Variants in DOCK4 observed in about 807,000 individuals in gnomAD.
The protein encoded by DOCK4 is dedicator of cytokinesis 4.
In DOCK4, 97 loss-of-function variants were observed where a neutral mutation model predicts 268.1. That is an observed-to-expected ratio of 0.36 (90% CI 0.31 to 0.43). DOCK4 has a LOEUF of 0.43. DOCK4 is among the 20% of genes least tolerant of loss of function. The pLI, the probability that DOCK4 is intolerant of heterozygous loss-of-function variation, is 1.00. For missense variants in DOCK4, 2,145 were observed against 2,455.7 expected, an observed-to-expected ratio of 0.87 and a Z score of 2.67; for synonymous variants, 954 against 887.2, an observed-to-expected ratio of 1.08 and a Z score of -1.34.
chr7:111,979,267 T>C (rs1451042714), intron 7 of DOCK4, among the ~76,000 whole-genome samples: 2 of 152,354 alleles, frequency 1.3e-5, no homozygotes, highest in East Asian at 3.9e-4. Context: ...TAAATTCATC[T>C]ACAATCACTG....
In DOCK4 at chr7:111,728,538, T is replaced by G. The variant is rs1554573117; in HGVS notation, c.5664A>C (p.Pro1888=). ...VNEQSAPLPV[P]VPVPVPSYGG... ...CGTAGCTCGGCACGGGCACCGGCAC[T>G]GGCACCGGCAGGGGGGCCGACTGTT... The change falls in exon 53 of 53, where the codon CCA becomes CCC. Residue 1888 remains proline (P), a synonymous_variant. Transcript: ENST00000428084. The G allele has an allele frequency of 6.2e-7, 1 of 1,613,614 alleles. No individual in the cohort carries two copies. The highest frequency in any genetic ancestry group is 8.5e-7 in the Non-Finnish European group (1 of 1,179,784).
intron 1 of DOCK4, among the ~76,000 whole-genome samples, chr7:112,114,263 C>T (rs1158642312): frequency 6.6e-6 from 1 of 152,080 alleles, no homozygotes; most frequent in East Asian, 1.9e-4. Context: ...TAATACAGAT[C>T]ATCCAAATGT....
At chr7:111,832,933 A>G (rs1802954278) in intron 26 of DOCK4, among the ~76,000 whole-genome samples, 1 of 152,226 alleles carries the variant, frequency 6.6e-6, no homozygotes, top group South Asian at 2.1e-4. Context: ...CATTTGTTTT[A>G]TTACTGCTAA....
At chr7:111,844,634 A>G in intron 25 of DOCK4, 129 bp downstream of exon 25, 2 of 1,226,682 alleles carry the variant, frequency 1.6e-6, no homozygotes, top group Admixed American at 5.5e-5. Flanking sequence ...GTAACCTCAT[A>G]TGATTTTGAA....
chr7:112,156,200 G>A (rs1816598528), intron 1 of DOCK4, among the ~76,000 whole-genome samples: 1 of 152,072 alleles, frequency 6.6e-6, no homozygotes, highest in Non-Finnish European at 1.5e-5. Flanking sequence ...AAACTCTCAG[G>A]ATGGCCTCCC....
chr7:112,121,760 T>A (rs1249689496), intron 1 of DOCK4, among the ~76,000 whole-genome samples: 1 of 152,218 alleles, frequency 6.6e-6, no homozygotes, highest in East Asian at 1.9e-4. Context: ...AATCCCTTTC[T>A]GGTTTCCTTT....
chr7:111,790,403 T>G lies in DOCK4; in HGVS notation c.3315+54A>C, dbSNP rs1161977873. On this transcript the variant is annotated intron_variant, in intron 31 of 52. Coordinates refer to ENST00000428084, the MANE Select transcript of DOCK4 (RefSeq NM_001363540.2). ...GGAGTTGAATCCAGAAGTTCACAGA[T>G]GCTTCAGGAGAGCTGAAACTCTTCC... The G allele has an allele frequency of 1.9e-6, 3 of 1,584,106 alleles. No homozygotes were observed. In the African/African-American group the frequency reaches 4.1e-5, roughly 21 times the overall value.
chr7:111,762,385 C>T (rs1047067912), intron 39 of DOCK4, among the ~76,000 whole-genome samples: 1 of 152,188 alleles, frequency 6.6e-6, no homozygotes, highest in Non-Finnish European at 1.5e-5. Context: ...TTTTTCTCTT[C>T]CTCCAGCCAG....
At chr7:112,132,448 C>A (rs950880054) in intron 1 of DOCK4, among the ~76,000 whole-genome samples, 1 of 152,106 alleles carries the variant, frequency 6.6e-6, no homozygotes, top group African/African-American at 2.4e-5. Context: ...GCAGCTCACA[C>A]AAAGGATGCA....
At position 112,114,712 on chromosome 7, in the gene DOCK4, A is replaced by C. The variant is rs1811967201; in HGVS notation, c.37+91390T>G. On this transcript the variant is annotated intron_variant, in intron 1 of 52. Coordinates refer to ENST00000428084, the MANE Select transcript of DOCK4 (RefSeq NM_001363540.2). ...GACTGAGATTTTTATTGCTTCATCA[A>C]GGACATTCTTAAGTGAAACTCCTAT... Among the ~76,000 whole-genome samples the C allele has an allele frequency of 1.3e-5, 2 of 151,086 alleles. 1 individual carries two copies. Among genetic ancestry groups the C allele is most frequent in the South Asian group, 4.2e-4 (2 of 4,786 alleles).
intron 13 of DOCK4, among the ~76,000 whole-genome samples, chr7:111,908,443 G>A (rs575386712): frequency 2.6e-4 from 33 of 126,170 alleles, no homozygotes; most frequent in Non-Finnish European, 4.7e-4. Context: ...GTGAGACTCC[G>A]TCTCAAAAAA....
At chr7:112,027,913 G>A (rs1359569821) in intron 1 of DOCK4, among the ~76,000 whole-genome samples, 1 of 152,194 alleles carries the variant, frequency 6.6e-6, no homozygotes, top group East Asian at 1.9e-4. Context: ...TCTAGTGAAG[G>A]AGAGAGCCAT....
chr7:111,785,283 CCT>C (rs1207350185), intron 32 of DOCK4, among the ~76,000 whole-genome samples: 1 of 152,168 alleles, frequency 6.6e-6, no homozygotes, highest in East Asian at 1.9e-4. Context: ...CTGAACAGCA[CCT>C]CTTTCAGGCT....
chr7:112,071,315 T>C (rs1563056636), intron 1 of DOCK4, among the ~76,000 whole-genome samples: 1 of 152,164 alleles, frequency 6.6e-6, no homozygotes, highest in Non-Finnish European at 1.5e-5. Flanking sequence ...TTACTTCATT[T>C]CTCCTTCATT....
At chr7:111,995,264 C>T (rs1002725761) in intron 4 of DOCK4, among the ~76,000 whole-genome samples, 1 of 152,010 alleles carries the variant, frequency 6.6e-6, no homozygotes, top group Admixed American at 6.6e-5. Context: ...ATATCCTGAC[C>T]TTGTGATCTG....
chr7:111,893,299 C>G (rs1299139896), intron 16 of DOCK4, among the ~76,000 whole-genome samples: 1 of 152,176 alleles, frequency 6.6e-6, no homozygotes, highest in Non-Finnish European at 1.5e-5. Flanking sequence ...AACTGAGAAT[C>G]TTGGTATGGT....
chr7:111,824,276 CTTTT>C (rs919641222), intron 26 of DOCK4, among the ~76,000 whole-genome samples: 2 of 152,062 alleles, frequency 1.3e-5, no homozygotes, highest in African/African-American at 4.8e-5. Flanking sequence ...TCAGTTGATT[CTTTT>C]GAGTTACTCA....
rs1318596569 is a variant in DOCK4, at chr7:111,943,247, A to G, written c.844+1564T>C. Among the ~76,000 whole-genome samples the G allele has an allele frequency of 2.0e-5, 3 of 152,234 alleles. No individual in the cohort carries two copies. The East Asian group carries it at 5.8e-4, about 29-fold the overall frequency. ...CCATAACAATGTTAATAAAAAGTGCAATTACAAATCAAACACCAAGCATTT... is the reference window on the plus strand; with the variant it reads ...CCATAACAATGTTAATAAAAAGTGCGATTACAAATCAAACACCAAGCATTT... On this transcript the variant is annotated intron_variant, in intron 10 of 52. Coordinates refer to ENST00000428084, the MANE Select transcript of DOCK4 (RefSeq NM_001363540.2).
chr7:111,766,828 T>A (rs990754391), intron 38 of DOCK4, among the ~76,000 whole-genome samples: 1 of 152,200 alleles, frequency 6.6e-6, no homozygotes, highest in Non-Finnish European at 1.5e-5. Context: ...TTAAAACAGA[T>A]CAAGTGCTCA....
Sources: gnomAD v4.1 joint callset for allele counts (sites outside exome capture counted in the v4.1 genomes callset) on GRCh38, gnomAD v4.1.1 for gene constraint, MANE v1.5 for transcripts, NCBI Gene and HGNC (gene_info 2026-07-23, HGNC 2026-07-21) for gene names.